Variants in NR3C1 observed in about 807,000 individuals in gnomAD.
NR3C1 encodes nuclear receptor subfamily 3 group C member 1, also known as glucocorticoid receptor.
NR3C1 carries 14 observed loss-of-function variants against 74.0 expected under a neutral mutation model. The observed-to-expected ratio is 0.19, with a 90% CI of 0.12 to 0.30. NR3C1 has a LOEUF of 0.30. NR3C1 is among the 10% of genes least tolerant of loss of function. The probability of loss-of-function intolerance (pLI) is 1.00; values close to 1 mark genes in which losing one functional copy is unlikely to be tolerated. For synonymous variants in NR3C1, 308 were observed against 332.5 expected (o/e 0.93, Z 0.80); for missense variants, 695 against 909.8 (o/e 0.76, Z 3.04).
chr5:143,321,094 A>G (rs1163501436), intron 2 of NR3C1, among the ~76,000 whole-genome samples: 2 of 152,220 alleles, frequency 1.3e-5, no homozygotes, highest in Non-Finnish European at 1.5e-5. Flanking sequence ...ACATAAGAGC[A>G]TACAAGGATA....
intron 1 of NR3C1, among the ~76,000 whole-genome samples, chr5:143,409,918 C>T (rs1841237257): frequency 6.6e-6 from 1 of 152,200 alleles, no homozygotes; most frequent in Non-Finnish European, 1.5e-5. Flanking sequence ...AATTTGTGCT[C>T]ATATGCGTGA....
intron 1 of NR3C1, among the ~76,000 whole-genome samples, chr5:143,424,241 G>C (rs199926485): frequency 3.4e-5 from 2 of 58,996 alleles, no homozygotes; most frequent in East Asian, 1.5e-3. Context: ...AAATAAAAAA[G>C]AGGGGTGTTT....
chr5:143,312,677 T>C (rs989982127), intron 3 of NR3C1, among the ~76,000 whole-genome samples: 1 of 152,218 alleles, frequency 6.6e-6, no homozygotes, highest in Non-Finnish European at 1.5e-5. Flanking sequence ...CGAGGAGCCA[T>C]ACTGAATGCG....
chr5:143,282,779 T>C, intron 7 of NR3C1, 54 bp from the exon 8 acceptor site: 1 of 961,022 alleles, frequency 1.0e-6, no homozygotes, highest in Non-Finnish European at 1.4e-6. Context: ...TTTCTTTTCT[T>C]TTTTTTTTTT....
At chr5:143,387,559 C>T (rs191935695) in intron 2 of NR3C1, among the ~76,000 whole-genome samples, 5 of 152,270 alleles carry the variant, frequency 3.3e-5, no homozygotes, top group Admixed American at 2.0e-4. Flanking sequence ...CCTTCTAGAG[C>T]CCTGTCCTTG....
chr5:143,426,243 C>T (rs756014981), intron 1 of NR3C1, among the ~76,000 whole-genome samples: 26 of 152,146 alleles, frequency 1.7e-4, no homozygotes, highest in Non-Finnish European at 3.8e-4. Flanking sequence ...TTGGGAGTGA[C>T]TACTAATAGA....
At chr5:143,433,013 T>G (rs1429194558) in intron 1 of NR3C1, among the ~76,000 whole-genome samples, 1 of 152,172 alleles carries the variant, frequency 6.6e-6, no homozygotes, top group African/African-American at 2.4e-5. Context: ...GTAGCTCGAT[T>G]TAGTTTCCAT....
intron 2 of NR3C1, among the ~76,000 whole-genome samples, chr5:143,358,013 C>T (rs563850347): frequency 1.4e-4 from 21 of 152,170 alleles, no homozygotes; most frequent in Non-Finnish European, 2.5e-4. Context: ...TCAAGCCAAA[C>T]GATAGTTCTT....
rs9324913 is a variant in NR3C1 at position 143,298,137 on chromosome 5, T to C, written c.1892+531A>G. ...GGAATAAGCTTAGAGGATAAGAGAATAGCTGATTTATAAAATCTTAAAGGC... is the reference window on the plus strand; with the variant it reads ...GGAATAAGCTTAGAGGATAAGAGAACAGCTGATTTATAAAATCTTAAAGGC... On this transcript the variant is annotated intron_variant, in intron 6 of 8. Transcript: ENST00000394464. Among the ~76,000 whole-genome samples the C allele has an allele frequency of 4.2e-3, 643 of 152,294 alleles. 2 individuals carry two copies. Among genetic ancestry groups the C allele is most frequent in the African/African-American group, 0.015 (617 of 41,558 alleles).
intron 2 of NR3C1, among the ~76,000 whole-genome samples, chr5:143,356,002 T>TA: frequency 6.7e-6 from 1 of 150,294 alleles, no homozygotes; most frequent in Non-Finnish European, 1.5e-5. Context: ...CCTAGAGACA[T>TA]AGAGTGTCTT....
At chr5:143,296,616 AAAC>A (rs2307674) in intron 6 of NR3C1, among the ~76,000 whole-genome samples, 22,018 of 152,060 alleles carry the variant, frequency 0.14, 1,759 homozygotes, top group African/African-American at 0.17. Context: ...TTGGCTGTAA[AAAC>A]AACAACAATT....
intron 1 of NR3C1, among the ~76,000 whole-genome samples, chr5:143,424,215 TAATA>T (rs1305935137): frequency 7.6e-6 from 1 of 131,066 alleles, no homozygotes; most frequent in African/African-American, 3.3e-5. Context: ...AGTATAATAA[TAATA>T]AATAAAATAA....
intron 2 of NR3C1, among the ~76,000 whole-genome samples, chr5:143,396,692 T>G (rs1315113658): frequency 8.7e-6 from 1 of 115,380 alleles, no homozygotes; most frequent in Non-Finnish European, 2.1e-5. Context: ...CAATCATCAC[T>G]TAATTTTAGA....
chr5:143,282,802 T>G, intron 7 of NR3C1, 77 bp from the exon 8 acceptor site: 1 of 1,455,710 alleles, frequency 6.9e-7, no homozygotes, highest in Non-Finnish European at 9.3e-7. Context: ...TTGAGATAGA[T>G]AGGGTCTCAC....
In NR3C1 at chr5:143,282,084, C is replaced by G. The variant is rs61628130; in HGVS notation, c.2182-43G>C. 118 of 1,607,130 alleles carry G rather than the reference C, an allele frequency of 7.3e-5. No individual in the cohort carries two copies. In the African/African-American group the frequency reaches 1.4e-3, roughly 19 times the overall value. The stretch of plus-strand genomic sequence containing the variant: ...GTAATGATCAGGCTTCCAAATTGGT[C>G]AGTGGGAACATCTCATGTTTGTTGT... On this transcript the variant is annotated intron_variant, in intron 8 of 8. Coordinates refer to ENST00000394464, the MANE Select transcript of NR3C1 (RefSeq NM_000176.3).
At chr5:143,325,041 T>C (rs1824261445) in intron 2 of NR3C1, among the ~76,000 whole-genome samples, 1 of 152,250 alleles carries the variant, frequency 6.6e-6, no homozygotes, top group African/African-American at 2.4e-5. Flanking sequence ...TTCCCACATT[T>C]TCCCGTCTTC....
chr5:143,429,236 G>GT (rs1441892073), intron 1 of NR3C1, among the ~76,000 whole-genome samples: 40 of 152,326 alleles, frequency 2.6e-4, no homozygotes, highest in African/African-American at 9.4e-4. Flanking sequence ...GAGAAGTTAA[G>GT]TAACTTGCCC....
chr5:143,288,164 G>C (rs1227347454), intron 7 of NR3C1, among the ~76,000 whole-genome samples: 3 of 151,398 alleles, frequency 2.0e-5, no homozygotes, highest in Non-Finnish European at 4.4e-5. Flanking sequence ...TGTTGCCCAG[G>C]CTGGAGTACA....
chr5:143,299,014 T>G (rs973695534), intron 5 of NR3C1, among the ~76,000 whole-genome samples: 4 of 147,558 alleles, frequency 2.7e-5, no homozygotes, highest in African/African-American at 7.7e-5. Flanking sequence ...TGTTTTTTTT[T>G]TTTTTTTTTT....
Sources: gnomAD v4.1 joint callset for allele counts (sites outside exome capture counted in the v4.1 genomes callset) on GRCh38, gnomAD v4.1.1 for gene constraint, MANE v1.5 for transcripts, NCBI Gene and HGNC (gene_info 2026-07-23, HGNC 2026-07-21) for gene names.